DRC9: variants seen among roughly 807,000 people sequenced by gnomAD.
DRC9 encodes the protein dynein regulatory complex subunit 9, also known as dynein regulatory complex protein 9.
At chr3:197,935,998 A>C in the DRC9 span, among the ~76,000 whole-genome samples, 1 of 152,082 alleles carries the variant, frequency 6.6e-6, no homozygotes, top group East Asian at 1.9e-4. Context: ...CTGTAATCCC[A>C]GCACTTTGGG....
At chr3:197,933,616 T>C in the DRC9 span, among the ~76,000 whole-genome samples, 1 of 152,114 alleles carries the variant, frequency 6.6e-6, no homozygotes, top group Non-Finnish European at 1.5e-5. Context: ...TTTACCATGG[T>C]AGAGACTTGG....
the DRC9 span, among the ~76,000 whole-genome samples, chr3:197,945,073 C>T: frequency 1.3e-5 from 2 of 152,236 alleles, no homozygotes; most frequent in South Asian, 2.1e-4. Flanking sequence ...CTAGTGTTAA[C>T]GCCTCTGTGT....
the DRC9 span, chr3:197,954,000 C>G: frequency 6.2e-7 from 1 of 1,612,364 alleles, no homozygotes; most frequent in Non-Finnish European, 8.5e-7. Context: ...TTTTTAAAAT[C>G]AGCAACACAG....
chr3:197,912,723 CTCT>C, the DRC9 span: 42 of 1,613,840 alleles, frequency 2.6e-5, no homozygotes, highest in East Asian at 6.0e-4. Flanking sequence ...GAGTCCGGGC[CTCT>C]TCTTCGGTTT....
At chr3:197,894,946 G>A in the DRC9 span, among the ~76,000 whole-genome samples, 1 of 151,960 alleles carries the variant, frequency 6.6e-6, no homozygotes, top group Non-Finnish European at 1.5e-5. Flanking sequence ...TGTGGTCCCA[G>A]CTACTCAGAG....
At chr3:197,911,931 T>C in the DRC9 span, among the ~76,000 whole-genome samples, 1 of 152,052 alleles carries the variant, frequency 6.6e-6, no homozygotes, top group African/African-American at 2.4e-5. Flanking sequence ...TGAGCCACCA[T>C]GTCCGGCCTT....
the DRC9 span, among the ~76,000 whole-genome samples, chr3:197,908,705 CT>C: frequency 6.8e-6 from 1 of 146,818 alleles, no homozygotes; most frequent in Middle Eastern, 4.4e-3. Context: ...GGGGTGGTGA[CT>C]GTACCAGGTC....
chr3:197,942,621 T>TA, the DRC9 span, among the ~76,000 whole-genome samples: 3 of 151,982 alleles, frequency 2.0e-5, no homozygotes, highest in South Asian at 6.2e-4. Flanking sequence ...GAATCAGACA[T>TA]AAGAATATCT....
chr3:197,956,232 T>G, the DRC9 span: 12,233 of 190,894 alleles, frequency 0.064, 511 homozygotes, highest in African/African-American at 0.11. Flanking sequence ...TGGGATACAG[T>G]TATGAGCCAC....
chr3:197,932,845 A>ATATAATATACATTATATATG, the DRC9 span, among the ~76,000 whole-genome samples: 2 of 131,974 alleles, frequency 1.5e-5, no homozygotes, highest in Non-Finnish European at 3.2e-5. Flanking sequence ...TATGTATTAT[A>ATATAATATACATTATATATG]TATAATATAC....
the DRC9 span, chr3:197,945,651 C>T: frequency 2.0e-5 from 31 of 1,572,972 alleles, no homozygotes; most frequent in African/African-American, 8.2e-5. Context: ...CGTTACCCTC[C>T]GTGGTATATT....
the DRC9 span, among the ~76,000 whole-genome samples, chr3:197,932,851 T>TATACATTATATATGTATA: frequency 7.2e-6 from 1 of 138,108 alleles, no homozygotes; most frequent in African/African-American, 2.7e-5. Flanking sequence ...TTATATATAA[T>TATACATTATATATGTATA]ATACATTATA....
the DRC9 span, chr3:197,932,277 C>G: frequency 2.0e-5 from 33 of 1,611,194 alleles, no homozygotes; most frequent in Middle Eastern, 1.6e-4. Flanking sequence ...TTAATGGTAT[C>G]TGCAATCACA....
the DRC9 span, chr3:197,959,473 G>A: frequency 6.6e-6 from 1 of 152,194 alleles, no homozygotes; most frequent in Non-Finnish European, 1.5e-5. Context: ...CCCATAGTTT[G>A]TAACTTGAGG....
chr3:197,913,451 C>T, the DRC9 span: 2 of 285,632 alleles, frequency 7.0e-6, no homozygotes, highest in African/African-American at 4.3e-5. Context: ...ATCCTATAAA[C>T]TCAGGTTTGA....
chr3:197,926,749 G>T, the DRC9 span, among the ~76,000 whole-genome samples: 2 of 152,096 alleles, frequency 1.3e-5, no homozygotes, highest in African/African-American at 4.8e-5. Flanking sequence ...CGTCTCTGAT[G>T]GTTGACTTTG....
the DRC9 span, chr3:197,943,755 A>G: frequency 6.3e-7 from 1 of 1,589,910 alleles, no homozygotes; most frequent in African/African-American, 1.4e-5. Context: ...AGCAAAATTA[A>G]CTCATGGTGA....
the DRC9 span, among the ~76,000 whole-genome samples, chr3:197,896,545 G>A: frequency 1.3e-5 from 2 of 152,160 alleles, no homozygotes; most frequent in South Asian, 4.1e-4. Context: ...AAATCCTTTT[G>A]TCTTAGTCCA....
chr3:197,913,349 T>TGCGTGCGTGCGTGC, the DRC9 span: 20 of 188,044 alleles, frequency 1.1e-4, no homozygotes, highest in Middle Eastern at 2.0e-3. Flanking sequence ...TGCGTGCGTG[T>TGCGTGCGTGCGTGC]GTGCGTGCGT....
Sources: gnomAD v4.1 joint callset for allele counts (sites outside exome capture counted in the v4.1 genomes callset) on GRCh38, gnomAD v4.1.1 for gene constraint, MANE v1.5 for transcripts, NCBI Gene and HGNC (gene_info 2026-07-23, HGNC 2026-07-21) for gene names.